SULF1: variants seen among roughly 807,000 people sequenced by gnomAD.
SULF1 encodes the protein extracellular sulfatase Sulf-1.
A neutral mutation model predicts 110.5 loss-of-function variants in SULF1; 46 were observed. The observed-to-expected ratio is 0.42, with a 90% CI of 0.33 to 0.53. The LOEUF is 0.53. Ranked by LOEUF, SULF1 falls within the 20% of genes least tolerant of loss-of-function variation. The pLI is 0.12. For missense variants in SULF1, 941 were observed against 1,094.2 expected (o/e 0.86, Z 1.98); for synonymous variants, 371 against 387.1 (o/e 0.96, Z 0.49).
intron 22 of SULF1, among the ~76,000 whole-genome samples, chr8:69,653,055 T>G (rs1361192339): frequency 6.6e-6 from 1 of 152,176 alleles, no homozygotes; most frequent in Admixed American, 6.5e-5. Flanking sequence ...CTCACTGAGG[T>G]CTGCAAAGTA....
At chr8:69,497,704 G>T (rs1296303376) in intron 2 of SULF1, among the ~76,000 whole-genome samples, 1 of 152,152 alleles carries the variant, frequency 6.6e-6, no homozygotes, top group Non-Finnish European at 1.5e-5. Context: ...AGCAAAATTT[G>T]ATGAGTTTAC....
intron 3 of SULF1, among the ~76,000 whole-genome samples, chr8:69,535,154 T>G (rs1302908103): frequency 1.3e-5 from 2 of 152,216 alleles, no homozygotes; most frequent in Non-Finnish European, 2.9e-5. Context: ...TTCTGTTTCC[T>G]TCCCTATCTC....
intron 19 of SULF1, among the ~76,000 whole-genome samples, chr8:69,631,900 C>T (rs1386034226): frequency 1.3e-5 from 2 of 152,226 alleles, no homozygotes; most frequent in Non-Finnish European, 2.9e-5. Flanking sequence ...CCCCATGGGA[C>T]GTATCACATT....
intron 3 of SULF1, among the ~76,000 whole-genome samples, chr8:69,505,295 A>G (rs1278989083): frequency 2.0e-5 from 3 of 152,172 alleles, no homozygotes; most frequent in Non-Finnish European, 4.4e-5. Flanking sequence ...ATGTGTGTGA[A>G]GCCTGGTTTT....
rs557223092 is a variant in SULF1 at position 69,590,091 on chromosome 8, C to T, written c.734+950C>T. On this transcript the variant is annotated intron_variant, in intron 8 of 22. Coordinates refer to ENST00000402687, the MANE Select transcript of SULF1 (RefSeq NM_001128205.2). Reference sequence around the variant, plus strand: ...AAGATTCCAGGCAGAAAGAACCTTACGAAAATAGGTAAGTAACTATGCAGG... The same window carrying T: ...AAGATTCCAGGCAGAAAGAACCTTATGAAAATAGGTAAGTAACTATGCAGG... 1.3e-4 allele frequency among the ~76,000 whole-genome samples: 20 copies of T among 152,276 alleles called. No individual in the cohort carries two copies. In the South Asian group the frequency reaches 1.7e-3, roughly 13 times the overall value.
intron 1 of SULF1, among the ~76,000 whole-genome samples, chr8:69,475,953 C>T (rs1809284758): frequency 6.6e-6 from 1 of 152,172 alleles, no homozygotes; most frequent in African/African-American, 2.4e-5. Flanking sequence ...TCTAGCATTT[C>T]TATAACTTTG....
At chr8:69,640,203 A>C (rs1811375077) in intron 21 of SULF1, among the ~76,000 whole-genome samples, 1 of 152,118 alleles carries the variant, frequency 6.6e-6, no homozygotes, top group South Asian at 2.1e-4. Flanking sequence ...AGAGAGAGAG[A>C]GAGAAAGAGC....
chr8:69,567,225 G>T (rs1351624487), intron 5 of SULF1, among the ~76,000 whole-genome samples: 1 of 152,034 alleles, frequency 6.6e-6, no homozygotes, highest in Non-Finnish European at 1.5e-5. Flanking sequence ...CTCCTTTCTT[G>T]GCAGAAAAGT....
chr8:69,617,801 C>T (rs897805711), intron 13 of SULF1, among the ~76,000 whole-genome samples: 1 of 152,090 alleles, frequency 6.6e-6, no homozygotes, highest in Non-Finnish European at 1.5e-5. Flanking sequence ...TTAAACAACG[C>T]ACATAGTCCT....
rs2150537184 is a variant in SULF1 at position 69,478,037 on chromosome 8, T to C, written c.-391+11087T>C. ...CTGGCTAAATTTTTCCTATTTTCTA[T>C]AGAGATGGGTTCTCCCTATGTTGCC... On this transcript the variant is annotated intron_variant, in intron 1 of 22. Coordinates refer to the SULF1 transcript ENST00000260128. Among the ~76,000 whole-genome samples the C allele has an allele frequency of 1.3e-5, 2 of 152,134 alleles. 1 individual carries two copies. Among genetic ancestry groups the C allele is most frequent in the South Asian group, 4.2e-4 (2 of 4,818 alleles).
At chr8:69,627,001 GGCTGTGAGGACTGCCAGCAC>G (rs1312572093) in intron 15 of SULF1, among the ~76,000 whole-genome samples, 189 bp from the exon 16 acceptor site, 3 of 152,238 alleles carry the variant, frequency 2.0e-5, no homozygotes, top group African/African-American at 7.2e-5. Flanking sequence ...AGCGAGCGAG[GGCTGTGAGGACTGCCAGCAC>G]GCTGTCACGA....
chr8:69,638,919 T>C (rs1811257149), intron 21 of SULF1, 61 bp downstream of exon 21: 5 of 1,514,572 alleles, frequency 3.3e-6, no homozygotes, highest in Non-Finnish European at 4.5e-6. Context: ...TTACTGAGCT[T>C]TCTGCCTTGG....
intron 22 of SULF1, among the ~76,000 whole-genome samples, chr8:69,647,552 G>A (rs1812014396): frequency 6.6e-6 from 1 of 151,994 alleles, no homozygotes; most frequent in South Asian, 2.1e-4. Context: ...TCTGCCTGTG[G>A]AGTAGCCATT....
At chr8:69,644,760 CA>C (rs59189043) in intron 22 of SULF1, among the ~76,000 whole-genome samples, 12,741 of 114,670 alleles carry the variant, frequency 0.11, 1,580 homozygotes, top group African/African-American at 0.37. Flanking sequence ...GACGCCGTCT[CA>C]AAAAAAAAAA....
chr8:69,627,071 C>T, intron 15 of SULF1, 139 bp from the exon 16 acceptor site: 3 of 639,612 alleles, frequency 4.7e-6, no homozygotes, highest in Non-Finnish European at 5.6e-6. Flanking sequence ...CCCATTGATG[C>T]TGGTCTTGGA....
intron 8 of SULF1, among the ~76,000 whole-genome samples, chr8:69,590,954 T>C (rs1461027293): frequency 6.6e-6 from 1 of 152,204 alleles, no homozygotes; most frequent in Non-Finnish European, 1.5e-5. Flanking sequence ...TTCCCATTTC[T>C]GTTGAATCAG....
At chr8:69,484,268 A>G (rs1038470567) in intron 1 of SULF1, among the ~76,000 whole-genome samples, 1 of 152,234 alleles carries the variant, frequency 6.6e-6, no homozygotes, top group African/African-American at 2.4e-5. Flanking sequence ...TGCATGAAAA[A>G]ATAGACCCTC....
intron 5 of SULF1, among the ~76,000 whole-genome samples, chr8:69,571,001 A>C (rs1805190759): frequency 6.6e-6 from 1 of 152,218 alleles, no homozygotes; most frequent in Non-Finnish European, 1.5e-5. Context: ...TCTGGCTCCC[A>C]CTTCATGGGA....
At chr8:69,616,079 TATA>T (rs1484833283) in intron 13 of SULF1, among the ~76,000 whole-genome samples, 1 of 138,600 alleles carries the variant, frequency 7.2e-6, no homozygotes, top group Non-Finnish European at 1.6e-5. Context: ...TGTGTGTATA[TATA>T]ATGTGTATAT....
Sources: gnomAD v4.1 joint callset for allele counts (sites outside exome capture counted in the v4.1 genomes callset) on GRCh38, gnomAD v4.1.1 for gene constraint, MANE v1.5 for transcripts, NCBI Gene and HGNC (gene_info 2026-07-23, HGNC 2026-07-21) for gene names.